The following MED13 variants were observed in gnomAD, a reference collection of about 807,000 sequenced individuals.
MED13 encodes the protein mediator complex subunit 13, also known as mediator of RNA polymerase II transcription subunit 13.
In MED13, 23 loss-of-function variants were observed where a neutral mutation model predicts 225.2. That is an observed-to-expected ratio of 0.10 (90% confidence interval 0.07 to 0.14). The LOEUF is 0.14. Ranked by LOEUF, MED13 falls within the 10% of genes least tolerant of loss-of-function variation. MED13 has a pLI of 1.00. For missense variants in MED13, 2,197 were observed against 2,594.5 expected (o/e 0.85, Z 3.33); for synonymous variants, 942 against 889.2 (o/e 1.06, Z -1.06).
intron 9 of MED13, chr17:62,005,433 T>C (rs985568198): frequency 1.3e-5 from 2 of 152,060 alleles, no homozygotes; most frequent in African/African-American, 2.4e-5. Flanking sequence ...TGGTGAAACC[T>C]GATCTCTACT....
intron 3 of MED13, among the ~76,000 whole-genome samples, chr17:62,039,810 A>T (rs999251809): frequency 6.6e-6 from 1 of 151,742 alleles, no homozygotes; most frequent in African/African-American, 2.4e-5. Context: ...TATTGGCCAG[A>T]CTGGTCTTGA....
At chr17:62,003,826 C>G (rs1190327137) in intron 9 of MED13, 1 of 152,082 alleles carries the variant, frequency 6.6e-6, no homozygotes, top group Non-Finnish European at 1.5e-5. Flanking sequence ...TACCACTCTA[C>G]CCTGCACGCT....
chr17:61,977,937 T>A (rs1330897004), intron 16 of MED13, among the ~76,000 whole-genome samples: 1 of 152,210 alleles, frequency 6.6e-6, no homozygotes, highest in Non-Finnish European at 1.5e-5. Flanking sequence ...GGACAAGTTG[T>A]TAAGAAATTC....
chr17:61,990,650 T>TACAC (rs1555635085), intron 11 of MED13, among the ~76,000 whole-genome samples: 5 of 141,140 alleles, frequency 3.5e-5, no homozygotes, highest in African/African-American at 1.3e-4. Flanking sequence ...TATATATATA[T>TACAC]ACACACTCCC....
rs940017605 is a variant in MED13 at position 61,970,431 on chromosome 17, A to C, written c.3968-2173T>G. On this transcript the variant is annotated intron_variant, in intron 17 of 29. Transcript: ENST00000397786. The stretch of plus-strand genomic sequence containing the variant: ...CATGGTGGCTCACGCCTGTAATCTC[A>C]GCACTTTGGGAGGCCTAGGTAGGTG... Among the ~76,000 whole-genome samples, 3 of 152,192 alleles carry C rather than the reference A, an allele frequency of 2.0e-5. No individual in the cohort carries two copies. The South Asian group carries it at 6.2e-4, about 32-fold the overall frequency.
chr17:62,024,111 G>A (rs376388913), intron 8 of MED13, among the ~76,000 whole-genome samples: 4 of 151,884 alleles, frequency 2.6e-5, no homozygotes, highest in Non-Finnish European at 4.4e-5. Flanking sequence ...TCTGCCTTCC[G>A]GGTTCAAGCG....
intron 9 of MED13, among the ~76,000 whole-genome samples, chr17:62,002,788 G>A (rs1368865221): frequency 2.6e-5 from 4 of 152,178 alleles, no homozygotes; most frequent in Non-Finnish European, 5.9e-5. Context: ...AAATAGTATG[G>A]GGAATCTCCC....
At chr17:62,012,656 A>G (rs1215649536) in intron 8 of MED13, among the ~76,000 whole-genome samples, 1 of 151,768 alleles carries the variant, frequency 6.6e-6, no homozygotes, top group Non-Finnish European at 1.5e-5. Context: ...GTGGTAAGAT[A>G]TGGAGTTTAC....
At chr17:62,049,081 A>G (rs1008814312) in intron 3 of MED13, among the ~76,000 whole-genome samples, 7 of 148,498 alleles carry the variant, frequency 4.7e-5, no homozygotes, top group Non-Finnish European at 1.5e-5. Context: ...AATAAGACAA[A>G]AAAAAAAAAA....
intron 3 of MED13, 145 bp downstream of exon 3, chr17:62,052,392 A>G: frequency 2.0e-6 from 1 of 497,402 alleles, no homozygotes; most frequent in East Asian, 3.5e-5. Context: ...TAAAAAAAAA[A>G]AAAACCTGAC....
In MED13 at chr17:61,968,340, T is replaced by TATTTA; in HGVS notation, c.3968-83_3968-82insTAAAT. 3 of 1,051,244 alleles carry TATTTA rather than the reference T, an allele frequency of 2.9e-6. No individual in the cohort carries two copies. In the East Asian group the frequency reaches 9.6e-5, roughly 34 times the overall value. 65.1% of individuals were successfully genotyped at this position (1,051,244 alleles called of 1,614,324 possible). On this transcript the variant is annotated intron_variant, in intron 17 of 29. Coordinates refer to ENST00000397786, the MANE Select transcript of MED13 (RefSeq NM_005121.3). ...TTATTTATTTATTTATTTATTTATT[T>TATTTA]TTTGAGACAGAGTCTCGCTCTGTCG... is the stretch of plus-strand genomic sequence containing the variant.
intron 12 of MED13, 36 bp downstream of exon 12, chr17:61,986,971 A>G: frequency 7.2e-7 from 1 of 1,398,458 alleles, no homozygotes; most frequent in East Asian, 2.7e-5. Flanking sequence ...ATCAAGGAAA[A>G]CAAATTATAA....
chr17:62,029,621 T>C lies in MED13; in HGVS notation c.1203A>G (p.Leu401=), dbSNP rs57185107. Residue 401 remains leucine, a synonymous_variant, in exon 8 of 30, where the codon CTA becomes CTG. Transcript: ENST00000397786. ...KRKYSASSGG[L]CEEATAAKVA... ...CTTTAGCAGCTGTCGCTTCTTCGCA[T>C]AGACCACCTGATGAAGCAGAATACT... is the stretch of plus-strand genomic sequence containing the variant. 1,783 of 1,614,120 alleles carry C rather than the reference T, an allele frequency of 1.1e-3. 17 individuals carry two copies. The African/African-American group carries it at 0.021, about 19-fold the overall frequency.
intron 18 of MED13, among the ~76,000 whole-genome samples, chr17:61,967,576 G>C (rs948399400): frequency 1.3e-5 from 2 of 152,102 alleles, no homozygotes; most frequent in Non-Finnish European, 1.5e-5. Context: ...GGATATGTGA[G>C]AATTATAACT....
intron 17 of MED13, among the ~76,000 whole-genome samples, chr17:61,969,395 G>T (rs1208582223): frequency 6.6e-6 from 1 of 152,034 alleles, no homozygotes; most frequent in African/African-American, 2.4e-5. Flanking sequence ...TACACTGTAG[G>T]CCAGGTGCTG....
intron 3 of MED13, among the ~76,000 whole-genome samples, chr17:62,035,857 T>C (rs956279886): frequency 6.6e-6 from 1 of 152,252 alleles, no homozygotes; most frequent in Middle Eastern, 3.4e-3. Context: ...CATTCACACA[T>C]AGAATTATTA....
chr17:62,020,685 C>CTTTTTTTT (rs78598460), intron 8 of MED13, among the ~76,000 whole-genome samples: 2 of 100,778 alleles, frequency 2.0e-5, no homozygotes, highest in African/African-American at 3.6e-5. Flanking sequence ...GGCCTGCTTT[C>CTTTTTTTT]TTTTTTTTTT....
rs1287474449 is a variant in MED13 at position 61,945,824 on chromosome 17, C to CAA, written c.*642_*643dup. The CAA allele has an allele frequency of 2.0e-5, 3 of 152,404 alleles. No homozygotes were observed. 9.4% of individuals were successfully genotyped at this position (152,404 alleles called of 1,614,324 possible). A position where few individuals can be genotyped will look rare whatever the true frequency, so the allele number is the denominator to read the frequency against. On this transcript the variant is annotated 3_prime_UTR_variant, in exon 30 of 30. Coordinates refer to ENST00000397786, the MANE Select transcript of MED13 (RefSeq NM_005121.3). ...CGTTAAACTGTACATCGAGACAATA[C>CAA]AAATTTACTGTCCCACCCACCCCCT...
intron 5 of MED13, chr17:62,032,411 T>C (rs1362064729): frequency 1.3e-5 from 2 of 148,764 alleles, no homozygotes; most frequent in East Asian, 2.0e-4. Flanking sequence ...GAGGTGGAGG[T>C]TGCAGTGAGC....
Sources: gnomAD v4.1 joint callset for allele counts (sites outside exome capture counted in the v4.1 genomes callset) on GRCh38, gnomAD v4.1.1 for gene constraint, MANE v1.5 for transcripts, NCBI Gene and HGNC (gene_info 2026-07-23, HGNC 2026-07-21) for gene names.